DNAJC1: variants seen among roughly 807,000 people sequenced by gnomAD.
DNAJC1 encodes dnaJ homolog subfamily C member 1.
Under a neutral mutation model 76.6 loss-of-function variants are expected in DNAJC1, and 58 were observed. That is an observed-to-expected ratio of 0.76 (90% CI 0.61 to 0.94). The LOEUF (loss-of-function observed/expected upper bound fraction) is 0.94. DNAJC1 is among the 40% of genes least tolerant of loss of function. The pLI, the probability that DNAJC1 is intolerant of heterozygous loss-of-function variation, is 0.00. For missense variants in DNAJC1, 689 were observed against 677.3 expected, an observed-to-expected ratio of 1.02 and a Z score of -0.19; for synonymous variants, 258 against 267.9, an observed-to-expected ratio of 0.96 and a Z score of 0.36.
intron 8 of DNAJC1, among the ~76,000 whole-genome samples, chr10:21,840,003 C>T (rs1835546469): frequency 6.6e-6 from 1 of 152,198 alleles, no homozygotes; most frequent in Non-Finnish European, 1.5e-5. Context: ...ACAAAAACCA[C>T]ATGATTATCT....
intron 9 of DNAJC1, among the ~76,000 whole-genome samples, chr10:21,792,484 T>G (rs1411392325): frequency 2.0e-5 from 3 of 152,068 alleles, no homozygotes; most frequent in Non-Finnish European, 4.4e-5. Flanking sequence ...TGACCGGGTG[T>G]GGTGGCTTAT....
chr10:21,908,108 TA>T (rs1269232464), intron 6 of DNAJC1, among the ~76,000 whole-genome samples: 2 of 109,372 alleles, frequency 1.8e-5, no homozygotes, highest in African/African-American at 3.7e-5. Flanking sequence ...ATATAATATA[TA>T]AAATATATAT....
At chr10:21,879,702 T>C (rs1245905926) in intron 8 of DNAJC1, among the ~76,000 whole-genome samples, 1 of 152,204 alleles carries the variant, frequency 6.6e-6, no homozygotes, top group African/African-American at 2.4e-5. Flanking sequence ...TGTGATAGCA[T>C]TATGTCCAAA....
chr10:21,815,979 A>C (rs1412264914), intron 8 of DNAJC1, among the ~76,000 whole-genome samples: 1 of 151,236 alleles, frequency 6.6e-6, no homozygotes, highest in African/African-American at 2.4e-5. Context: ...CCTGACCTCA[A>C]GTGATCCGCC....
intron 9 of DNAJC1, among the ~76,000 whole-genome samples, chr10:21,790,919 T>G (rs1834677581): frequency 6.6e-6 from 1 of 152,102 alleles, no homozygotes. Flanking sequence ...ACTTAAAAGA[T>G]ATAGACTGGC....
intron 8 of DNAJC1, among the ~76,000 whole-genome samples, chr10:21,818,823 G>GA (rs1294767545): frequency 1.3e-5 from 2 of 152,174 alleles, no homozygotes; most frequent in Non-Finnish European, 2.9e-5. Context: ...ATCTATGCTA[G>GA]AAAATCTCTG....
At chr10:22,002,994 C>T (rs1238562900) in intron 1 of DNAJC1, among the ~76,000 whole-genome samples, 1 of 152,162 alleles carries the variant, frequency 6.6e-6, no homozygotes, top group Non-Finnish European at 1.5e-5. Context: ...TCCAGCCTGT[C>T]ACTGGGGCTG....
intron 6 of DNAJC1, among the ~76,000 whole-genome samples, chr10:21,912,349 C>G (rs183312432): frequency 6.6e-6 from 1 of 152,030 alleles, no homozygotes; most frequent in East Asian, 1.9e-4. Flanking sequence ...AACATCCTAC[C>G]TAACATTTTG....
intron 8 of DNAJC1, among the ~76,000 whole-genome samples, chr10:21,817,159 C>CAAAAAA (rs1194285168): frequency 3.3e-5 from 2 of 59,884 alleles, no homozygotes; most frequent in South Asian, 9.5e-4. Context: ...GATTCCGTCT[C>CAAAAAA]AAAAAAAAAA....
At position 21,806,088 on chromosome 10, in the gene DNAJC1, C is replaced by A. The variant is rs1834879727; in HGVS notation, c.990G>T (p.Trp330Cys). Residue 330 changes from tryptophan (W) to cysteine (C), a missense_variant, in exon 9 of 12, where the codon TGG (tryptophan) becomes TGT (cysteine). Transcript: ENST00000376980. Reference sequence around the variant, plus strand: ...TCAGTTGGCTGAGGTCCTCTTCTGTCCATTCAGGTGCCTGCAAAACATTAA... The same window carrying A: ...TCAGTTGGCTGAGGTCCTCTTCTGTACATTCAGGTGCCTGCAAAACATTAA... Reference protein sequence around the residue: ...NRTQKKQAPEWTEEDLSQLTR... With the variant: ...NRTQKKQAPECTEEDLSQLTR... The A allele has an allele frequency of 6.2e-7, 1 of 1,611,594 alleles. No individual in the cohort carries two copies.
In DNAJC1 at chr10:22,003,332, G is replaced by A. The variant is rs199889603; in HGVS notation, c.103C>T (p.Leu35=). The A allele has an allele frequency of 3.3e-6, 5 of 1,508,052 alleles. No homozygotes were observed. The highest frequency in any genetic ancestry group is 5.6e-5 in the East Asian group (2 of 35,732). 93.4% of individuals were successfully genotyped at this position (1,508,052 alleles called of 1,614,324 possible). A position where few individuals can be genotyped will look rare whatever the true frequency, so the allele number is the denominator to read the frequency against. Residue 35 remains leucine (L), a synonymous_variant, in exon 1 of 12, where the codon CTG becomes TTG. Transcript: ENST00000376980. ...GCCACGGCGGCCAGCAGCAGCAGCA[G>A]CAGCCACAGCAGCGGCGTCCGCGGC... The part of the protein sequence containing the change: ...PPPRTPLLWL[L]LLLLAAVAPA...
rs1459747547 is a variant in DNAJC1 at position 22,003,291 on chromosome 10, C to A, written c.144G>T (p.Trp48Cys). Residue 48 changes from tryptophan (W) to cysteine (C), a missense_variant, in exon 1 of 12, where the codon TGG becomes TGT. Transcript: ENST00000376980. The stretch of plus-strand genomic sequence containing the variant: ...CAAACAACTCCAGGTCTCCGCTCTC[C>A]CAGCCGCGCGCCGGCGCCACGGCGG... ...LLAAVAPARG[W>C]ESGDLELFDL... is the part of the protein sequence containing the mutation. 3 of 1,535,748 alleles carry A rather than the reference C, an allele frequency of 2.0e-6. No homozygotes were observed. The highest frequency in any genetic ancestry group is 2.6e-6 in the Non-Finnish European group (3 of 1,143,012).
intron 1 of DNAJC1, among the ~76,000 whole-genome samples, chr10:21,977,277 A>C (rs987167555): frequency 4.6e-5 from 7 of 152,070 alleles, no homozygotes; most frequent in Admixed American, 3.3e-4. Context: ...CACACACACA[A>C]AATGACTATG....
chr10:22,001,273 C>A (rs551996236), intron 1 of DNAJC1, among the ~76,000 whole-genome samples: 5 of 152,324 alleles, frequency 3.3e-5, no homozygotes, highest in African/African-American at 1.2e-4. Flanking sequence ...GAAAACTACA[C>A]ATGAAAGACC....
chr10:21,830,561 G>A (rs193137498), intron 8 of DNAJC1, among the ~76,000 whole-genome samples: 5 of 152,082 alleles, frequency 3.3e-5, no homozygotes, highest in Admixed American at 1.3e-4. Flanking sequence ...TTGTTTAGAG[G>A]TAGACTGTTT....
chr10:21,929,179 C>T (rs1184369208), intron 1 of DNAJC1, 38 bp from the exon 2 acceptor site: 1 of 1,447,612 alleles, frequency 6.9e-7, no homozygotes, highest in East Asian at 2.3e-5. Context: ...ACAAAGCAAA[C>T]TTTGTCAGAA....
chr10:21,949,411 CTTTTTTTTTTT>C (rs1201250094), intron 1 of DNAJC1, among the ~76,000 whole-genome samples: 1 of 70,178 alleles, frequency 1.4e-5, no homozygotes, highest in Admixed American at 1.8e-4. Context: ...CCCCCTTCTT[CTTTTTTTTTTT>C]TTTTTTTTTT....
intron 8 of DNAJC1, among the ~76,000 whole-genome samples, chr10:21,809,198 G>A (rs1156665399): frequency 6.6e-6 from 1 of 151,914 alleles, no homozygotes; most frequent in Non-Finnish European, 1.5e-5. Flanking sequence ...ACTATAAAAT[G>A]TTAATTAGAA....
At chr10:21,931,140 G>A (rs1030702861) in intron 1 of DNAJC1, among the ~76,000 whole-genome samples, 2 of 152,156 alleles carry the variant, frequency 1.3e-5, no homozygotes, top group African/African-American at 2.4e-5. Context: ...CAGCTACCAG[G>A]TGCCTTTGTC....
Sources: allele counts gnomAD v4.1 joint callset (sites outside exome capture counted in the v4.1 genomes callset), GRCh38; gene constraint gnomAD v4.1.1; transcripts MANE v1.5; gene names NCBI Gene and HGNC (gene_info 2026-07-23, HGNC 2026-07-21).